VPS45: variants seen among roughly 807,000 people sequenced by gnomAD.
VPS45 encodes vacuolar protein sorting 45 homolog.
Under a neutral mutation model 75.9 loss-of-function variants are expected in VPS45, and 35 were observed. The ratio of observed to expected loss-of-function variants is 0.46; its 90% CI spans 0.35 to 0.61. The LOEUF is 0.61. Ranked by LOEUF, VPS45 falls within the 20% of genes least tolerant of loss-of-function variation. The pLI, the probability that VPS45 is intolerant of heterozygous loss-of-function variation, is 0.00. For synonymous variants in VPS45, 220 were observed against 238.2 expected (o/e 0.92, Z 0.70); for missense variants, 559 against 685.9 (o/e 0.81, Z 2.07).
rs142789968 is a variant in VPS45 at position 150,099,173 on chromosome 1, T to C, written c.1493+5525T>C. ...CCTTTTGAAAGTTTGTGTTTCCATG[T>C]AACTTAACCACATATAGAAATAATG... is the stretch of plus-strand genomic sequence containing the variant. On this transcript the variant is annotated intron_variant, in intron 13 of 14. Transcript: ENST00000644510. 5.9e-4 allele frequency: 340 copies of C among 575,252 alleles called. 1 individual carries two copies. The African/African-American group carries it at 6.5e-3, about 11-fold the overall frequency. 35.6% of individuals were successfully genotyped at this position (575,252 alleles called of 1,614,324 possible).
intron 13 of VPS45, among the ~76,000 whole-genome samples, chr1:150,102,235 C>CA (rs1208831311): frequency 0.8 from 75,841 of 94,520 alleles, 30,885 homozygotes; most frequent in East Asian, 0.97. Context: ...GAGACTCCGT[C>CA]AAAAAAAAAA....
chr1:150,068,691 T>C lies in VPS45; in HGVS notation c.155T>C (p.Phe52Ser). 2 of 1,613,438 alleles carry C rather than the reference T, an allele frequency of 1.2e-6. No individual in the cohort carries two copies. The highest frequency in any genetic ancestry group is 2.2e-5 in the South Asian group (2 of 90,984). ...SEILQKEVYL[F>S]ERIDSQNREI... is the part of the protein sequence containing the mutation. The stretch of plus-strand genomic sequence containing the variant: ...ATTCTACAGAAGGAAGTGTACCTCT[T>C]TGAACGCATTGATTCTCAAAATCGA... Residue 52 changes from phenylalanine to serine, a missense_variant, in exon 2 of 15, where the codon TTT (phenylalanine) becomes TCT (serine). Physicochemically the swap from Phe to Ser is radical, Grantham distance 155 (BLOSUM62 -2). Coordinates refer to ENST00000644510, the MANE Select transcript of VPS45 (RefSeq NM_007259.5).
intron 13 of VPS45, among the ~76,000 whole-genome samples, chr1:150,104,897 T>C (rs147378387): frequency 6.6e-6 from 1 of 152,226 alleles, no homozygotes; most frequent in Non-Finnish European, 1.5e-5. Flanking sequence ...CCAGCCTTTT[T>C]TCGTTGTTGT....
At chr1:150,106,928 A>G (rs1657358331) in intron 13 of VPS45, among the ~76,000 whole-genome samples, 2 of 151,880 alleles carry the variant, frequency 1.3e-5, no homozygotes, top group South Asian at 4.2e-4. Context: ...AATCCAGGGG[A>G]CTCTCAATTC....
chr1:150,141,507 G>T (rs1659390414), intron 14 of VPS45, among the ~76,000 whole-genome samples: 1 of 152,092 alleles, frequency 6.6e-6, no homozygotes, highest in African/African-American at 2.4e-5. Flanking sequence ...ATAAACATTG[G>T]TCTCTAGTCC....
At chr1:150,088,873 G>A (rs587653979) in intron 10 of VPS45, among the ~76,000 whole-genome samples, 1 of 152,274 alleles carries the variant, frequency 6.6e-6, no homozygotes, top group East Asian at 1.9e-4. Context: ...GTAAACATAG[G>A]AGTGCAGATA....
intron 3 of VPS45, 96 bp from the exon 4 acceptor site, chr1:150,076,137 G>A: frequency 1.5e-6 from 1 of 665,950 alleles, no homozygotes; most frequent in Non-Finnish European, 2.3e-6. Context: ...CCAATTTGAA[G>A]GTCACTTATT....
At chr1:150,111,852 AC>A (rs1657667319) in intron 14 of VPS45, among the ~76,000 whole-genome samples, 1 of 152,072 alleles carries the variant, frequency 6.6e-6, no homozygotes, top group Non-Finnish European at 1.5e-5. Context: ...GCCTGTATAG[AC>A]GTTTGTATGA....
chr1:150,129,628 C>T (rs587754391), intron 14 of VPS45, among the ~76,000 whole-genome samples: 1 of 145,742 alleles, frequency 6.9e-6, no homozygotes, highest in Non-Finnish European at 1.5e-5. Context: ...GACACCACCT[C>T]GGCTCACTGC....
intron 6 of VPS45, 137 bp from the exon 7 acceptor site, chr1:150,077,532 T>C: frequency 1.4e-6 from 1 of 717,040 alleles, no homozygotes; most frequent in Non-Finnish European, 2.3e-6. Context: ...TTTGTGAGAC[T>C]TTTGAATCCT....
At chr1:150,128,600 T>C (rs587604456) in intron 14 of VPS45, among the ~76,000 whole-genome samples, 1 of 152,274 alleles carries the variant, frequency 6.6e-6, no homozygotes, top group East Asian at 1.9e-4. Flanking sequence ...CACCAGTAGG[T>C]TCAATCTCTG....
rs1397857808 is a variant in VPS45, at chr1:150,091,937, A to G, written c.1105A>G (p.Asn369Asp). 1 of 1,611,768 alleles carries G rather than the reference A, an allele frequency of 6.2e-7. No homozygotes were observed. Among genetic ancestry groups the G allele is most frequent in the African/African-American group, 1.3e-5 (1 of 74,722 alleles). The change falls in exon 11 of 15, where the codon AAT (asparagine) becomes GAT (aspartate). Residue 369 changes from asparagine (N) to aspartate (D), a missense_variant and splice_region_variant. Asn to Asp is a conservative substitution (Grantham distance 23). Transcript: ENST00000644510. ...AAATATAAGTTCTATCTTTCTTCAG[A>G]ATATAAAAAGGCTTCTGCAGAACCC... ...CQNDHSSALQ[N>D]IKRLLQNPKV...
chr1:150,118,007 C>T (rs1376163918), intron 14 of VPS45, among the ~76,000 whole-genome samples: 2 of 151,952 alleles, frequency 1.3e-5, no homozygotes, highest in South Asian at 2.1e-4. Flanking sequence ...GGCACGGTGG[C>T]TCACGCCTGT....
In VPS45 at chr1:150,144,948, A is replaced by G; in HGVS notation, c.*152A>G. The G allele has an allele frequency of 6.5e-7, 1 of 1,536,812 alleles. No homozygotes were observed. Among genetic ancestry groups the G allele is most frequent in the Non-Finnish European group, 8.7e-7 (1 of 1,145,990 alleles). The stretch of plus-strand genomic sequence containing the variant: ...CCACGGATACGTGGTTGGCACAGAC[A>G]CAAGACTCCCAGAGTTGTCCTAACA... On this transcript the variant is annotated 3_prime_UTR_variant, in exon 15 of 15. Transcript: ENST00000644510.
At chr1:150,137,198 G>A (rs1482598971) in intron 14 of VPS45, among the ~76,000 whole-genome samples, 1 of 152,184 alleles carries the variant, frequency 6.6e-6, no homozygotes, top group Non-Finnish European at 1.5e-5. Context: ...ACCACACCCA[G>A]CCTCAGATGT....
At chr1:150,125,789 A>G (rs1658486645) in intron 14 of VPS45, among the ~76,000 whole-genome samples, 1 of 152,062 alleles carries the variant, frequency 6.6e-6, no homozygotes, top group Non-Finnish European at 1.5e-5. Context: ...CCCAGGTTCA[A>G]GGAATTCTCT....
intron 13 of VPS45, among the ~76,000 whole-genome samples, chr1:150,097,739 A>C (rs781895373): frequency 6.6e-6 from 1 of 151,992 alleles, no homozygotes; most frequent in Non-Finnish European, 1.5e-5. Context: ...AAAACAAAAC[A>C]AAAAAAGTGT....
intron 14 of VPS45, among the ~76,000 whole-genome samples, chr1:150,132,074 A>G (rs1356938699): frequency 1.3e-5 from 2 of 152,226 alleles, no homozygotes; most frequent in East Asian, 1.9e-4. Context: ...TTTATGAAGC[A>G]ATGATCTTCT....
intron 2 of VPS45, among the ~76,000 whole-genome samples, chr1:150,070,885 A>G (rs1356860226): frequency 7.9e-5 from 12 of 151,752 alleles, no homozygotes; most frequent in Admixed American, 2.6e-4. Context: ...TCTTTTATAT[A>G]TTCTCTTTTG....
Sources: gnomAD v4.1 joint callset for allele counts (sites outside exome capture counted in the v4.1 genomes callset) on GRCh38, gnomAD v4.1.1 for gene constraint, MANE v1.5 for transcripts, NCBI Gene and HGNC (gene_info 2026-07-23, HGNC 2026-07-21) for gene names.